The following FREM2 variants were observed in gnomAD, a reference collection of about 807,000 sequenced individuals.
FREM2 encodes FRAS1-related extracellular matrix protein 2.
Under a neutral mutation model 219.9 loss-of-function variants are expected in FREM2, and 119 were observed. The ratio of observed to expected loss-of-function variants is 0.54; its 90% CI spans 0.47 to 0.63. FREM2 has a LOEUF of 0.63. FREM2 is among the 30% of genes least tolerant of loss of function. The pLI is 0.00. For synonymous variants in FREM2, 1,562 were observed against 1,522.8 expected (o/e 1.03, Z -0.60); for missense variants, 4,030 against 3,993.6 (o/e 1.01, Z -0.25).
chr13:38,729,321 A>T (rs1355408359), intron 2 of FREM2, among the ~76,000 whole-genome samples: 1 of 152,126 alleles, frequency 6.6e-6, no homozygotes, highest in Non-Finnish European at 1.5e-5. Flanking sequence ...TCTTTTGCTG[A>T]ATGATTTTAT....
chr13:38,706,720 G>A (rs1870555998), intron 2 of FREM2, among the ~76,000 whole-genome samples: 1 of 152,080 alleles, frequency 6.6e-6, no homozygotes, highest in African/African-American at 2.4e-5. Flanking sequence ...TAATATTTTT[G>A]TAAGTAATGA....
intron 6 of FREM2, among the ~76,000 whole-genome samples, chr13:38,800,960 C>G (rs961913667): frequency 6.6e-6 from 1 of 152,188 alleles, no homozygotes; most frequent in Non-Finnish European, 1.5e-5. Context: ...CTTTCATTCT[C>G]TCTTTTCCTG....
At chr13:38,713,349 C>T (rs954520444) in intron 2 of FREM2, among the ~76,000 whole-genome samples, 4 of 152,102 alleles carry the variant, frequency 2.6e-5, no homozygotes, top group East Asian at 3.8e-4. Flanking sequence ...GAAAACATAA[C>T]GTAGCAGTGT....
intron 15 of FREM2, among the ~76,000 whole-genome samples, chr13:38,862,570 A>C (rs1456997944): frequency 2.6e-5 from 4 of 152,210 alleles, no homozygotes; most frequent in Non-Finnish European, 5.9e-5. Flanking sequence ...GTTCTGCCAG[A>C]AGTGTAGTTG....
intron 7 of FREM2, among the ~76,000 whole-genome samples, chr13:38,847,692 GGTAAA>G (rs1877216550): frequency 6.6e-6 from 1 of 152,016 alleles, no homozygotes; most frequent in African/African-American, 2.4e-5. Flanking sequence ...CACATTTGGA[GGTAAA>G]GTAGATACAA....
chr13:38,751,366 A>G (rs1872753393), intron 2 of FREM2, among the ~76,000 whole-genome samples: 1 of 152,036 alleles, frequency 6.6e-6, no homozygotes. Flanking sequence ...TCTATGCCCC[A>G]AGTTTCCTTT....
chr13:38,807,969 TTCAAATATA>T lies in FREM2; in HGVS notation c.6019+23162_6019+23170del, dbSNP rs1233911125. ...TACGAAAGTCCTAGATGGCTTCTTCTTCAAATATAAGGCTGTTTTTTCTCCAATGAAAAT... is the reference window on the plus strand; with the variant it reads ...TACGAAAGTCCTAGATGGCTTCTTCTAGGCTGTTTTTTCTCCAATGAAAAT... On this transcript the variant is annotated intron_variant, in intron 6 of 23. Transcript: ENST00000280481. 4.2e-4 allele frequency among the ~76,000 whole-genome samples: 64 copies of T among 151,594 alleles called. 5 individuals are homozygous for T. The East Asian group carries it at 0.012, about 29-fold the overall frequency.
chr13:38,721,342 G>A (rs1871239213), intron 2 of FREM2, among the ~76,000 whole-genome samples: 1 of 152,110 alleles, frequency 6.6e-6, no homozygotes, highest in Non-Finnish European at 1.5e-5. Flanking sequence ...AGAGAACATA[G>A]GTAGGGTCAG....
rs1878683129 is a variant in FREM2, at chr13:38,885,106, T to G, written c.*4319T>G. The G allele has an allele frequency of 6.6e-6, 1 of 152,202 alleles. No homozygotes were observed. The highest frequency in any genetic ancestry group is 2.4e-5 in the African/African-American group (1 of 41,470). The allele number at this position is 152,202 out of a possible 1,614,324, so 9.4% of individuals were successfully genotyped here. A position where few individuals can be genotyped will look rare whatever the true frequency, so the allele number is the denominator to read the frequency against. On this transcript the variant is annotated 3_prime_UTR_variant, in exon 24 of 24. Transcript: ENST00000280481. ...ATTTTGATACTAAGAAACAAAATGC[T>G]TTGAGATTTTGGTAACTATTTTGAT... is the stretch of plus-strand genomic sequence containing the variant.
intron 6 of FREM2, among the ~76,000 whole-genome samples, chr13:38,834,317 C>G (rs1233521438): frequency 6.6e-6 from 1 of 152,120 alleles, no homozygotes. Context: ...TGATTTCCAG[C>G]TTCATCCATG....
chr13:38,766,628 A>G (rs1028930826), intron 3 of FREM2, among the ~76,000 whole-genome samples: 3 of 152,230 alleles, frequency 2.0e-5, no homozygotes, highest in Non-Finnish European at 4.4e-5. Flanking sequence ...GCTTGAGTAC[A>G]GCTAAGAAAC....
chr13:38,739,606 C>G (rs1872153788), intron 2 of FREM2, among the ~76,000 whole-genome samples: 1 of 152,124 alleles, frequency 6.6e-6, no homozygotes, highest in Non-Finnish European at 1.5e-5. Flanking sequence ...AACCAAACTC[C>G]CAAATTTTCC....
At position 38,859,606 on chromosome 13, in the gene FREM2, T is replaced by C. The variant is rs180776930; in HGVS notation, c.7519+16T>C. 8.9e-5 allele frequency: 144 copies of C among 1,611,422 alleles called. No homozygotes were observed. In the African/African-American group the frequency reaches 1.7e-3, roughly 20 times the overall value. ...AGAGAAGAAGGTCAGTCATTGCCAT[T>C]TTCCCCTGAAGATCACTGGAATACT... On this transcript the variant is annotated intron_variant, in intron 14 of 23. Transcript: ENST00000280481.
At position 38,861,422 on chromosome 13, in the gene FREM2, T is replaced by A. The variant is rs775586596; in HGVS notation, c.7520-9T>A. 2.5e-6 allele frequency: 4 copies of A among 1,613,062 alleles called. No individual in the cohort carries two copies. The Admixed American group carries it at 5.0e-5, about 20-fold the overall frequency. On this transcript the variant is annotated splice_polypyrimidine_tract_variant and intron_variant, in intron 14 of 23. Coordinates refer to ENST00000280481, the MANE Select transcript of FREM2 (RefSeq NM_207361.6). ...TTTTCGCATAAATATGGTCTTTTTT[T>A]TTTTCAAGGTCTTTGTCAGCCCCGT...
At chr13:38,703,922 T>C (rs1259348871) in intron 2 of FREM2, among the ~76,000 whole-genome samples, 1 of 152,168 alleles carries the variant, frequency 6.6e-6, no homozygotes, top group Non-Finnish European at 1.5e-5. Context: ...CATAGGTGAT[T>C]AAAGTACCAT....
rs376261949 is a variant in FREM2, at chr13:38,744,409, G to C, written c.5264-19895G>C. ...TGTAGAGATGGTGTCTCACTATGTT[G>C]ACCAGGCTGATTGCAAATCTTAGCT... On this transcript the variant is annotated intron_variant, in intron 2 of 23. Transcript: ENST00000280481. Among the ~76,000 whole-genome samples the C allele has an allele frequency of 5.9e-5, 9 of 151,510 alleles. No individual in the cohort carries two copies. In the East Asian group the frequency reaches 1.5e-3, roughly 26 times the overall value.
intron 2 of FREM2, among the ~76,000 whole-genome samples, chr13:38,725,950 A>G (rs1485297596): frequency 6.6e-6 from 1 of 152,166 alleles, no homozygotes; most frequent in Non-Finnish European, 1.5e-5. Context: ...AAAAAATCTG[A>G]GCCTGTTTTA....
chr13:38,835,987 G>C (rs532253458), intron 6 of FREM2, among the ~76,000 whole-genome samples: 1 of 152,168 alleles, frequency 6.6e-6, no homozygotes, highest in Non-Finnish European at 1.5e-5. Flanking sequence ...ATGTTGTATA[G>C]GAGTGGTGAG....
In FREM2 at chr13:38,785,143, T is replaced by C. The variant is rs1008197452; in HGVS notation, c.6019+335T>C. ...ATTTCCTTCTTGGTTTTTTGTTTTG[T>C]TTTGCTTTTAAAAGCTTATATTTTG... On this transcript the variant is annotated intron_variant, in intron 6 of 23. Transcript: ENST00000280481. Among the ~76,000 whole-genome samples the C allele has an allele frequency of 5.9e-5, 9 of 152,310 alleles. No individual in the cohort carries two copies. In the East Asian group the frequency reaches 1.7e-3, roughly 29 times the overall value.
Sources: allele counts gnomAD v4.1 joint callset (sites outside exome capture counted in the v4.1 genomes callset), GRCh38; gene constraint gnomAD v4.1.1; transcripts MANE v1.5; gene names NCBI Gene and HGNC (gene_info 2026-07-23, HGNC 2026-07-21).